Variants in SPAG16 observed in about 807,000 individuals in gnomAD.
SPAG16 encodes sperm associated antigen 16, also known as sperm-associated antigen 16 protein.
Under a neutral mutation model 80.4 loss-of-function variants are expected in SPAG16, and 86 were observed. The ratio of observed to expected loss-of-function variants is 1.07; its 90% CI spans 0.90 to 1.28. The LOEUF (loss-of-function observed/expected upper bound fraction) is 1.28, where lower values mean the gene tolerates loss of function less well. SPAG16 is among the 50% of genes most tolerant of loss of function. SPAG16 has a pLI of 0.00. For synonymous variants in SPAG16, 294 were observed against 265.9 expected, an observed-to-expected ratio of 1.11 and a Z score of -1.03; for missense variants, 870 against 765.3, an observed-to-expected ratio of 1.14 and a Z score of -1.61.
At chr2:213,930,234 G>A (rs892674224) in intron 12 of SPAG16, 89 bp downstream of exon 12, 79 of 923,802 alleles carry the variant, frequency 8.6e-5, no homozygotes, top group Non-Finnish European at 1.2e-4. Context: ...TTTCCTTGAT[G>A]CTACCCCAGG....
chr2:214,022,894 G>C (rs1309466525), intron 13 of SPAG16, among the ~76,000 whole-genome samples: 1 of 151,842 alleles, frequency 6.6e-6, no homozygotes, highest in Non-Finnish European at 1.5e-5. Context: ...ATGCAATTTT[G>C]TTTCTCCAAG....
intron 5 of SPAG16, among the ~76,000 whole-genome samples, chr2:213,327,184 A>T (rs2063880459): frequency 6.6e-6 from 1 of 151,454 alleles, no homozygotes; most frequent in Admixed American, 6.6e-5. Flanking sequence ...TTTAACACAA[A>T]GATGCTCTAC....
intron 15 of SPAG16, among the ~76,000 whole-genome samples, chr2:214,171,014 G>T (rs892703274): frequency 1.3e-5 from 2 of 152,002 alleles, no homozygotes; most frequent in Admixed American, 6.6e-5. Flanking sequence ...ATACAAATGG[G>T]TGTGGGATTT....
chr2:213,303,405 C>T (rs1315613968), intron 3 of SPAG16, among the ~76,000 whole-genome samples: 2 of 151,952 alleles, frequency 1.3e-5, no homozygotes, highest in Middle Eastern at 3.2e-3. Flanking sequence ...ATATTACAAA[C>T]AATCCAATTA....
At chr2:213,596,326 G>T (rs2060885141) in intron 10 of SPAG16, among the ~76,000 whole-genome samples, 1 of 151,910 alleles carries the variant, frequency 6.6e-6, no homozygotes, top group South Asian at 2.1e-4. Context: ...TTTAGATTTT[G>T]GTTTCTTGAG....
chr2:214,362,007 A>G (rs991048469), intron 15 of SPAG16, among the ~76,000 whole-genome samples: 7 of 151,918 alleles, frequency 4.6e-5, no homozygotes, highest in African/African-American at 1.7e-4. Context: ...TTCTGGAGAG[A>G]AGGATTATCA....
At chr2:213,659,922 A>G (rs1009657132) in intron 10 of SPAG16, among the ~76,000 whole-genome samples, 14 of 152,076 alleles carry the variant, frequency 9.2e-5, no homozygotes, top group African/African-American at 3.1e-4. Flanking sequence ...CATTAAGGGA[A>G]TATTCATTTT....
chr2:213,648,270 G>C (rs1574640976), intron 10 of SPAG16, among the ~76,000 whole-genome samples: 1 of 151,906 alleles, frequency 6.6e-6, no homozygotes, highest in East Asian at 1.9e-4. Context: ...GACTACAAAG[G>C]GTGTTAATTA....
chr2:213,884,812 C>G (rs116128767), intron 11 of SPAG16, among the ~76,000 whole-genome samples: 2 of 152,118 alleles, frequency 1.3e-5, no homozygotes, highest in East Asian at 3.9e-4. Context: ...TTATGAAATT[C>G]TTGTAGAGAA....
rs187422980 is a variant in SPAG16 at position 214,409,326 on chromosome 2, T to C, written c.1721-814T>C. The stretch of plus-strand genomic sequence containing the variant: ...TAATGTCATACTTATTTACACTAAG[T>C]ACTGAGCTTATGTAAACATATCCTA... On this transcript the variant is annotated intron_variant, in intron 15 of 15. Transcript: ENST00000331683. 4.6e-3 allele frequency among the ~76,000 whole-genome samples: 701 copies of C among 152,174 alleles called. 4 individuals are homozygous for C. Among genetic ancestry groups the C allele is most frequent in the Middle Eastern group, 0.021 (6 of 282 alleles).
At chr2:213,904,882 C>T (rs771457031) in intron 11 of SPAG16, among the ~76,000 whole-genome samples, 3 of 151,964 alleles carry the variant, frequency 2.0e-5, no homozygotes, top group Non-Finnish European at 4.4e-5. Context: ...TGCTTTATTT[C>T]GTTGTTAGGG....
intron 10 of SPAG16, among the ~76,000 whole-genome samples, chr2:213,605,499 T>A (rs1042748774): frequency 5.4e-4 from 82 of 152,180 alleles, no homozygotes; most frequent in African/African-American, 1.6e-3. Flanking sequence ...AAAATATATT[T>A]TTTTTTTGAG....
At chr2:213,852,610 C>T (rs1424457742) in intron 10 of SPAG16, among the ~76,000 whole-genome samples, 1 of 152,154 alleles carries the variant, frequency 6.6e-6, no homozygotes, top group African/African-American at 2.4e-5. Flanking sequence ...TGCCCTTAGA[C>T]CATCCTAAAG....
At chr2:214,195,984 A>G (rs1559121369) in intron 15 of SPAG16, among the ~76,000 whole-genome samples, 2 of 152,158 alleles carry the variant, frequency 1.3e-5, no homozygotes, top group Non-Finnish European at 2.9e-5. Flanking sequence ...TGGTCTTTCT[A>G]CTATATCACA....
At chr2:213,675,045 T>C (rs1187502160) in intron 10 of SPAG16, among the ~76,000 whole-genome samples, 3 of 150,786 alleles carry the variant, frequency 2.0e-5, no homozygotes, top group Non-Finnish European at 4.4e-5. Context: ...CTCCAGCACC[T>C]GTTGTTTCCT....
chr2:213,300,525 G>C (rs1052605370), intron 3 of SPAG16, among the ~76,000 whole-genome samples: 1 of 152,132 alleles, frequency 6.6e-6, no homozygotes, highest in Non-Finnish European at 1.5e-5. Flanking sequence ...GCTCAACTGA[G>C]ACAACATATC....
intron 13 of SPAG16, among the ~76,000 whole-genome samples, chr2:214,053,784 C>A (rs7598392): frequency 0.21 from 31,846 of 152,064 alleles, 3,451 homozygotes; most frequent in East Asian, 0.26. Context: ...ACAAGGTTAG[C>A]TGAGAATCAG....
At chr2:214,283,044 A>G (rs1308408525) in intron 15 of SPAG16, among the ~76,000 whole-genome samples, 1 of 152,052 alleles carries the variant, frequency 6.6e-6, no homozygotes, top group Non-Finnish European at 1.5e-5. Flanking sequence ...AGCAACCAAT[A>G]CTCTAAAAAA....
intron 10 of SPAG16, among the ~76,000 whole-genome samples, chr2:213,710,467 A>G (rs1466019162): frequency 6.6e-6 from 1 of 152,184 alleles, no homozygotes; most frequent in African/African-American, 2.4e-5. Context: ...AATAGTAATG[A>G]AACATTTCAC....
Sources: gnomAD v4.1 joint callset for allele counts (sites outside exome capture counted in the v4.1 genomes callset) on GRCh38, gnomAD v4.1.1 for gene constraint, MANE v1.5 for transcripts, NCBI Gene and HGNC (gene_info 2026-07-23, HGNC 2026-07-21) for gene names.